Variants in BRD4 observed in about 807,000 individuals in gnomAD.
BRD4 encodes the protein bromodomain containing 4, also known as bromodomain-containing protein 4.
BRD4 carries 16 observed loss-of-function variants against 142.1 expected under a neutral mutation model. The ratio of observed to expected loss-of-function variants is 0.11; its 90% CI spans 0.08 to 0.17. The LOEUF is 0.17. BRD4 is among the 10% of genes least tolerant of loss of function. The pLI is 1.00. For synonymous variants in BRD4, 833 were observed against 707.5 expected (o/e 1.18, Z -2.82); for missense variants, 1,424 against 1,810.9 (o/e 0.79, Z 3.88).
At chr19:15,300,138 T>C (rs1000002445) in intron 1 of BRD4, among the ~76,000 whole-genome samples, 9 of 152,154 alleles carry the variant, frequency 5.9e-5, no homozygotes, top group African/African-American at 1.7e-4. Context: ...CCAGCTACTC[T>C]GGTGGCTGAG....
chr19:15,309,415 CA>C (rs2047947080), intron 1 of BRD4, among the ~76,000 whole-genome samples: 1 of 150,350 alleles, frequency 6.7e-6, no homozygotes, highest in Admixed American at 6.6e-5. Context: ...ATCTAAAAGA[CA>C]AACAACAATT....
intron 1 of BRD4, chr19:15,275,609 T>C (rs1220052347): frequency 6.6e-6 from 1 of 152,250 alleles, no homozygotes; most frequent in Non-Finnish European, 1.5e-5. Context: ...TGCTGGAGGT[T>C]GTCTGTTCAA....
At chr19:15,246,031 C>A (rs902030985) in intron 11 of BRD4, among the ~76,000 whole-genome samples, 2 of 152,182 alleles carry the variant, frequency 1.3e-5, no homozygotes, top group African/African-American at 2.4e-5. Context: ...CCACTCCACG[C>A]CAGACAAGAC....
At chr19:15,253,550 G>T (rs1242898069) in intron 11 of BRD4, 1 of 1,553,356 alleles carries the variant, frequency 6.4e-7, no homozygotes, top group East Asian at 2.4e-5. Flanking sequence ...GTGGAGTTAG[G>T]GCAGATTCAG....
At position 15,237,525 on chromosome 19, in the gene BRD4, G is replaced by A. The variant is rs200736169; in HGVS notation, c.*852C>T. The stretch of plus-strand genomic sequence containing the variant: ...GCGGTGGCAGCCGCTGCTCAATGAG[G>A]AGACGATCACACCATTTCGGAGATA... On this transcript the variant is annotated 3_prime_UTR_variant, in exon 20 of 20. Transcript: ENST00000679869. 4.5e-6 allele frequency: 1 copy of A among 224,694 alleles called. No individual in the cohort carries two copies. Among genetic ancestry groups the A allele is most frequent in the East Asian group, 6.4e-5 (1 of 15,732 alleles). 13.9% of individuals were successfully genotyped at this position (224,694 alleles called of 1,614,324 possible). A position where few individuals can be genotyped will look rare whatever the true frequency, so the allele number is the denominator to read the frequency against.
At chr19:15,302,166 C>CAAAAA (rs779863415) in intron 1 of BRD4, among the ~76,000 whole-genome samples, 2 of 133,184 alleles carry the variant, frequency 1.5e-5, no homozygotes, top group Non-Finnish European at 3.3e-5. Flanking sequence ...GACTTCATCT[C>CAAAAA]AAAAAAAAAA....
At chr19:15,276,915 C>T (rs1003226586) in intron 1 of BRD4, among the ~76,000 whole-genome samples, 1 of 152,038 alleles carries the variant, frequency 6.6e-6, no homozygotes, top group Non-Finnish European at 1.5e-5. Flanking sequence ...CTGCACTGAC[C>T]CGAGGGACAG....
At chr19:15,249,916 A>G (rs1327639467) in intron 11 of BRD4, among the ~76,000 whole-genome samples, 1 of 152,054 alleles carries the variant, frequency 6.6e-6, no homozygotes, top group Non-Finnish European at 1.5e-5. Flanking sequence ...TATTATATAC[A>G]CTGTTGAGGA....
intron 1 of BRD4, chr19:15,275,804 G>A (rs1568394026): frequency 6.6e-6 from 1 of 152,010 alleles, no homozygotes; most frequent in Non-Finnish European, 1.5e-5. Context: ...GTCAGGAATT[G>A]GAGATGAGCC....
chr19:15,285,392 A>G (rs1161181806), intron 1 of BRD4, among the ~76,000 whole-genome samples: 1 of 152,176 alleles, frequency 6.6e-6, no homozygotes, highest in Admixed American at 6.5e-5. Flanking sequence ...CAAAAATACA[A>G]AAGATTAGCC....
intron 1 of BRD4, among the ~76,000 whole-genome samples, chr19:15,286,099 C>G (rs1480748139): frequency 6.6e-6 from 1 of 152,222 alleles, no homozygotes; most frequent in African/African-American, 2.4e-5. Flanking sequence ...CAATACCCTC[C>G]CACCAATTCT....
At position 15,273,062 on chromosome 19, in the gene BRD4, T is replaced by C. The variant is rs1465170573; in HGVS notation, c.38A>G (p.Asn13Ser). The change falls in exon 2 of 20, where the codon AAT becomes AGT. Residue 13 changes from asparagine (N) to serine (S), a missense_variant. By Grantham distance (46) the Asn-to-Ser change is conservative. Transcript: ENST00000679869. ...TAGTCCATCCCCCATTACTGGCAGATTTCTCAATCTCGTCCCAGGGCCGCT... is the reference window on the plus strand; with the variant it reads ...TAGTCCATCCCCCATTACTGGCAGACTTCTCAATCTCGTCCCAGGGCCGCT... ...AESGPGTRLR[N>S]LPVMGDGLET... 3 of 1,609,780 alleles carry C rather than the reference T, an allele frequency of 1.9e-6. No homozygotes were observed. The highest frequency in any genetic ancestry group is 4.5e-5 in the East Asian group (2 of 44,786).
At chr19:15,287,299 A>G (rs990539324) in intron 1 of BRD4, among the ~76,000 whole-genome samples, 4 of 152,160 alleles carry the variant, frequency 2.6e-5, no homozygotes, top group African/African-American at 4.8e-5. Flanking sequence ...ATGGTAAAAT[A>G]TATGTAACAT....
intron 4 of BRD4, among the ~76,000 whole-genome samples, chr19:15,266,901 G>T (rs964397076): frequency 6.6e-6 from 1 of 152,192 alleles, no homozygotes; most frequent in Non-Finnish European, 1.5e-5. Context: ...CTGGAACCCT[G>T]TGTCAGTTGG....
At chr19:15,269,970 C>G (rs1351417344) in intron 2 of BRD4, among the ~76,000 whole-genome samples, 1 of 152,204 alleles carries the variant, frequency 6.6e-6, no homozygotes, top group Non-Finnish European at 1.5e-5. Context: ...CACAGAGGGC[C>G]AGGCAGGGGG....
At chr19:15,303,856 G>A (rs1028248478) in intron 1 of BRD4, among the ~76,000 whole-genome samples, 3 of 152,112 alleles carry the variant, frequency 2.0e-5, no homozygotes, top group African/African-American at 7.2e-5. Flanking sequence ...GGTTGAGAAG[G>A]ACCAACAAGC....
chr19:15,247,201 G>A (rs1340297347), intron 11 of BRD4: 2 of 212,312 alleles, frequency 9.4e-6, no homozygotes, highest in African/African-American at 4.5e-5. Flanking sequence ...CCCCACTCCA[G>A]TGAAGGAGGT....
chr19:15,263,327 G>GAAA, intron 7 of BRD4, 93 bp downstream of exon 7: 1 of 1,432,578 alleles, frequency 7.0e-7, no homozygotes, highest in Non-Finnish European at 9.5e-7. Flanking sequence ...GAAAGTGACA[G>GAAA]AAAAAAAAAC....
chr19:15,244,804 GGTGA>G (rs1568378778), intron 11 of BRD4, 42 bp from the exon 12 acceptor site: 1 of 1,613,736 alleles, frequency 6.2e-7, no homozygotes, highest in Admixed American at 1.7e-5. Flanking sequence ...TGGGGGAGAA[GGTGA>G]GTGAGCTGGC....
Sources: gnomAD v4.1 joint callset for allele counts (sites outside exome capture counted in the v4.1 genomes callset) on GRCh38, gnomAD v4.1.1 for gene constraint, MANE v1.5 for transcripts, NCBI Gene and HGNC (gene_info 2026-07-23, HGNC 2026-07-21) for gene names.